Variants in IQANK1 observed in about 807,000 individuals in gnomAD.
IQANK1 encodes IQ motif and ankyrin repeat domain-containing protein 1.
In IQANK1, 30 loss-of-function variants were observed where a neutral mutation model predicts 22.6. The observed-to-expected ratio is 1.33, with a 90% CI of 0.99 to 1.80. The LOEUF (loss-of-function observed/expected upper bound fraction) is 1.80, where lower values mean the gene tolerates loss of function less well. Ranked by LOEUF, IQANK1 falls within the 40% of genes most tolerant of loss-of-function variation. The pLI is 0.00. For synonymous variants in IQANK1, 122 were observed against 99.6 expected (o/e 1.23, Z -1.34); for missense variants, 275 against 235.2 (o/e 1.17, Z -1.11).
chr8:143,742,665 TGAGCCCCA>T (rs1818947103), intron 3 of IQANK1: 1 of 456,008 alleles, frequency 2.2e-6, no homozygotes, highest in Non-Finnish European at 4.4e-6. Flanking sequence ...AAGGTGTGGC[TGAGCCCCA>T]GAGCCCCAGA....
chr8:143,751,660 G>GTATATATA (rs1440239363), intron 3 of IQANK1, among the ~76,000 whole-genome samples: 45 of 44,018 alleles, frequency 1.0e-3, no homozygotes, highest in Non-Finnish European at 2.6e-3. Flanking sequence ...GTGTGTGTGT[G>GTATATATA]TGTGTATATA....
At chr8:143,744,781 C>T (rs1302955071) in intron 3 of IQANK1, 1 of 152,196 alleles carries the variant, frequency 6.6e-6, no homozygotes, top group Non-Finnish European at 1.5e-5. Context: ...CCGTAACAAC[C>T]CTTACTCCTC....
At chr8:143,743,093 C>T in intron 3 of IQANK1, 1 of 450,358 alleles carries the variant, frequency 2.2e-6, no homozygotes, top group Non-Finnish European at 4.5e-6. Context: ...TCTACCAGCT[C>T]TGCAGGGTAG....
intron 7 of IQANK1, among the ~76,000 whole-genome samples, chr8:143,788,086 C>T (rs1222866448): frequency 2.0e-5 from 3 of 152,240 alleles, no homozygotes; most frequent in African/African-American, 7.2e-5. Context: ...GCCTTGCCTC[C>T]TTCCGCTGTC....
intron 3 of IQANK1, among the ~76,000 whole-genome samples, chr8:143,743,644 C>T (rs1480107404): frequency 2.6e-5 from 4 of 152,248 alleles, no homozygotes; most frequent in South Asian, 2.1e-4. Flanking sequence ...GCTGAACTTC[C>T]GTAGATCTGG....
rs1018482990 is a variant in IQANK1, at chr8:143,789,746, G to A, written c.1087-15G>A. On this transcript the variant is annotated splice_polypyrimidine_tract_variant and intron_variant, in intron 10 of 13. Transcript: ENST00000527139. Reference sequence around the variant, plus strand: ...TGGGGCAGGGCAAGCAAGTCAGTGTGGCCTCCTCCTCCAGGCCATCAAGGA... The same window carrying A: ...TGGGGCAGGGCAAGCAAGTCAGTGTAGCCTCCTCCTCCAGGCCATCAAGGA... 2.4e-6 allele frequency: 3 copies of A among 1,231,686 alleles called. No individual in the cohort carries two copies. Among genetic ancestry groups the A allele is most frequent in the Non-Finnish European group, 3.0e-6 (3 of 987,734 alleles). 76.3% of individuals were successfully genotyped at this position (1,231,686 alleles called of 1,614,324 possible).
At chr8:143,755,098 TC>T (rs1304750749) in intron 3 of IQANK1, among the ~76,000 whole-genome samples, 2 of 151,932 alleles carry the variant, frequency 1.3e-5, no homozygotes, top group African/African-American at 4.8e-5. Flanking sequence ...TTATAGAGCT[TC>T]CCCCACAGCA....
chr8:143,783,052 G>A (rs1819825243), intron 7 of IQANK1, among the ~76,000 whole-genome samples: 1 of 152,140 alleles, frequency 6.6e-6, no homozygotes, highest in Non-Finnish European at 1.5e-5. Context: ...TTATATAAAT[G>A]TCTGCAATAT....
At chr8:143,739,558 C>T in intron 2 of IQANK1, 1 of 323,802 alleles carries the variant, frequency 3.1e-6, no homozygotes, top group East Asian at 5.4e-5. Context: ...TGCCAGCCCA[C>T]AGGGTCCTTC....
Position 143,789,463 on chromosome 8 carries a change from C to T in IQANK1, c.1021C>T (p.Arg341Trp), listed in dbSNP as rs11781090. 612,304 of 1,231,330 alleles carry T rather than the reference C, an allele frequency of 0.5. 164,188 individuals carry two copies. The highest frequency in any genetic ancestry group is 0.55 in the Non-Finnish European group (543,187 of 987,486). The allele number at this position is 1,231,330 out of a possible 1,614,324, so 76.3% of individuals were successfully genotyped here. ...ELQQAYCELS[R>W]RISEHDQCEW... ...GCAACAGGCCTACTGTGAGCTTAGC[C>T]GGAGGATCTCAGAGCACGACCAGTG... The change falls in exon 10 of 14, where the codon CGG becomes TGG. Residue 341 changes from arginine (R) to tryptophan (W), a missense_variant. By Grantham distance (101) the Arg-to-Trp change is moderately radical (BLOSUM62 -3). Coordinates refer to ENST00000527139, the MANE Select transcript of IQANK1 (RefSeq NM_001381874.1).
chr8:143,735,839 C>G lies in IQANK1; in HGVS notation c.-4-11C>G, dbSNP rs1424227391. The stretch of plus-strand genomic sequence containing the variant: ...CACCCTCTCCCTGGTCCTTCCCTAC[C>G]CACCCCCCAGGAGAATGGACAGTAA... On this transcript the variant is annotated splice_polypyrimidine_tract_variant and intron_variant, in intron 1 of 13. Transcript: ENST00000527139. The surrounding 1 kb of genome is among the most constrained non-coding windows in gnomAD (Gnocchi z 5.2). 2.8e-6 allele frequency: 2 copies of G among 702,580 alleles called. No individual in the cohort carries two copies. Among genetic ancestry groups the G allele is most frequent in the Non-Finnish European group, 2.6e-6 (1 of 384,852 alleles). The allele number at this position is 702,580 out of a possible 1,614,324, so 43.5% of individuals were successfully genotyped here. A position where few individuals can be genotyped will look rare whatever the true frequency, so the allele number is the denominator to read the frequency against.
At chr8:143,764,334 ACCAGG>A (rs1255035624) in intron 3 of IQANK1, among the ~76,000 whole-genome samples, 2 of 152,000 alleles carry the variant, frequency 1.3e-5, no homozygotes, top group Admixed American at 6.6e-5. Context: ...AAACGTGCAG[ACCAGG>A]CGCAGTGGCT....
intron 3 of IQANK1, among the ~76,000 whole-genome samples, chr8:143,752,012 C>T (rs1819205270): frequency 6.6e-6 from 1 of 151,984 alleles, no homozygotes; most frequent in African/African-American, 2.4e-5. Flanking sequence ...GTTGCCCAGG[C>T]TGGAGTGCAA....
In IQANK1 at chr8:143,747,015, G is replaced by A. The variant is rs566946315; in HGVS notation, c.175+7067G>A. ...CTGCCTCAGCCTCCCAAGTAGCTGG[G>A]ATTACAGGTGCCCACCACCACGCCC... is the stretch of plus-strand genomic sequence containing the variant. On this transcript the variant is annotated intron_variant, in intron 3 of 13. Transcript: ENST00000527139. 3.3e-5 allele frequency among the ~76,000 whole-genome samples: 5 copies of A among 152,258 alleles called. No individual in the cohort carries two copies. In the South Asian group the frequency reaches 8.3e-4, roughly 25 times the overall value.
In IQANK1 at chr8:143,771,541, C is replaced by G. The variant is rs1430371484; in HGVS notation, c.229C>G (p.Arg77Gly). The change falls in exon 4 of 14, where the codon CGG becomes GGG. Residue 77 changes from arginine to glycine, a missense_variant. Transcript: ENST00000527139. The surrounding 1 kb of genome is among the most constrained non-coding windows in gnomAD (Gnocchi z 6.0). ...GATCCAGGGCGCCTTCCGGCAGCTCCGGGCCAGGAGGGAGCTCGCCCGCCG... is the reference window on the plus strand; with the variant it reads ...GATCCAGGGCGCCTTCCGGCAGCTCGGGGCCAGGAGGGAGCTCGCCCGCCG... Reference protein sequence around the residue: ...RAIQGAFRQLRARRELARRRE... With the variant: ...RAIQGAFRQLGARRELARRRE... 1 of 398,042 alleles carries G rather than the reference C, an allele frequency of 2.5e-6. No homozygotes were observed. Among genetic ancestry groups the G allele is most frequent in the Non-Finnish European group, 4.4e-6 (1 of 225,770 alleles). The allele number at this position is 398,042 out of a possible 1,614,324, so 24.7% of individuals were successfully genotyped here.
chr8:143,747,080 C>T (rs1196973869), intron 3 of IQANK1, among the ~76,000 whole-genome samples: 1 of 152,076 alleles, frequency 6.6e-6, no homozygotes, highest in Non-Finnish European at 1.5e-5. Flanking sequence ...TGGGTTTCAC[C>T]CTGTTAGCCA....
At chr8:143,770,220 G>A (rs1338776127) in intron 3 of IQANK1, among the ~76,000 whole-genome samples, 2 of 152,204 alleles carry the variant, frequency 1.3e-5, no homozygotes, top group Non-Finnish European at 1.5e-5. Flanking sequence ...TGTGTCTGAT[G>A]CCTGTTGTTC....
At position 143,735,932 on chromosome 8, in the gene IQANK1, G is replaced by C. The variant is rs1157952686; in HGVS notation, c.79G>C (p.Ala27Pro). Residue 27 changes from alanine to proline, a missense_variant, in exon 2 of 14, where the codon GCT becomes CCT. Transcript: ENST00000527139. This position sits in a 1 kb window ranked among gnomAD's most constrained non-coding sequence, Gnocchi z 5.2. ...TLHPGPKTRAAAGKPGENRPP... is the reference protein window; with the variant it reads ...TLHPGPKTRAPAGKPGENRPP... Reference sequence around the variant, plus strand: ...CCACCCTGGGCCCAAGACAAGAGCTGCTGCTGGTAAGTGCACCCTCTGACC... The same window carrying C: ...CCACCCTGGGCCCAAGACAAGAGCTCCTGCTGGTAAGTGCACCCTCTGACC... The C allele has an allele frequency of 1.4e-6, 1 of 702,578 alleles. No individual in the cohort carries two copies. Among genetic ancestry groups the C allele is most frequent in the African/African-American group, 1.7e-5 (1 of 57,308 alleles). 43.5% of individuals were successfully genotyped at this position (702,578 alleles called of 1,614,324 possible). A position where few individuals can be genotyped will look rare whatever the true frequency, so the allele number is the denominator to read the frequency against.
intron 2 of IQANK1, among the ~76,000 whole-genome samples, chr8:143,737,120 G>A (rs992150553): frequency 5.9e-5 from 9 of 152,212 alleles, no homozygotes; most frequent in African/African-American, 1.2e-4. Flanking sequence ...GAGGCCAGCC[G>A]CCCTCCTGGA....
Sources: gnomAD v4.1 joint callset for allele counts (sites outside exome capture counted in the v4.1 genomes callset) on GRCh38, gnomAD v4.1.1 for gene constraint, Gnocchi (gnomAD v3.1) non-coding constraint, MANE v1.5 for transcripts, NCBI Gene and HGNC (gene_info 2026-07-23, HGNC 2026-07-21) for gene names.